The following TALDO1 variants were observed in gnomAD, a reference collection of about 807,000 sequenced individuals.
TALDO1 encodes transaldolase 1, also known as transaldolase.
TALDO1 carries 29 observed loss-of-function variants against 38.1 expected under a neutral mutation model. That is an observed-to-expected ratio of 0.76 (90% CI 0.57 to 1.04). The LOEUF is 1.04. Among genes scored for constraint, TALDO1 ranks in the 50% least tolerant of loss-of-function variants. TALDO1 has a pLI of 0.00. For missense variants in TALDO1, 499 were observed against 438.1 expected, an observed-to-expected ratio of 1.14 and a Z score of -1.24; for synonymous variants, 207 against 176.8, an observed-to-expected ratio of 1.17 and a Z score of -1.36.
chr11:751,997 T>G (rs1341947759), intron 1 of TALDO1, among the ~76,000 whole-genome samples: 3 of 152,112 alleles, frequency 2.0e-5, no homozygotes, highest in African/African-American at 7.2e-5. Context: ...TTTCACCTGT[T>G]CCTTTCTCTC....
At chr11:761,520 A>G (rs768039431) in intron 4 of TALDO1, among the ~76,000 whole-genome samples, 6 of 152,044 alleles carry the variant, frequency 3.9e-5, no homozygotes, top group Admixed American at 2.0e-4. Context: ...AACCAAACAT[A>G]TGTACGTTCA....
intron 5 of TALDO1, 110 bp downstream of exon 5, chr11:763,629 T>A: frequency 6.4e-7 from 1 of 1,572,056 alleles, no homozygotes. Context: ...GGTGCACAGG[T>A]CGGCGCGGGG....
At chr11:756,179 A>C (rs1053727823) in intron 2 of TALDO1, 177 bp downstream of exon 2, 2 of 890,350 alleles carry the variant, frequency 2.2e-6, no homozygotes, top group Non-Finnish European at 3.3e-6. Context: ...AGTAACCTGC[A>C]CCTGTGGTAA....
In TALDO1 at chr11:764,996, A is replaced by C; in HGVS notation, c.*151A>C. ...TATGTAAAATTTTGCCTAATACATT[A>C]AAGCAGTCACTTTTCCTGTGCTGTT... On this transcript the variant is annotated 3_prime_UTR_variant, in exon 8 of 8. Coordinates refer to ENST00000319006, the MANE Select transcript of TALDO1 (RefSeq NM_006755.2). 1 of 1,026,368 alleles carries C rather than the reference A, an allele frequency of 9.7e-7. No homozygotes were observed. Among genetic ancestry groups the C allele is most frequent in the Non-Finnish European group, 1.5e-6 (1 of 674,328 alleles). 63.6% of individuals were successfully genotyped at this position (1,026,368 alleles called of 1,614,324 possible).
chr11:760,346 C>T, intron 4 of TALDO1, 93 bp downstream of exon 4: 2 of 1,578,462 alleles, frequency 1.3e-6, no homozygotes, highest in East Asian at 2.3e-5. Context: ...ACTCTCTCAG[C>T]CCTGGGGAAT....
chr11:755,971 G>C lies in TALDO1; in HGVS notation c.190G>C (p.Glu64Gln). ...GCCCGCTTACCAGGAGCTGGTGGAG[G>C]AGGCGATTGCCTATGGCCGGAAGCT... ...QMPAYQELVE[E>Q]AIAYGRKLGG... Residue 64 changes from glutamate (E) to glutamine (Q), a missense_variant, in exon 2 of 8, where the codon GAG (glutamate) becomes CAG (glutamine). Transcript: ENST00000319006. 1.2e-6 allele frequency: 2 copies of C among 1,613,866 alleles called. No individual in the cohort carries two copies. Among genetic ancestry groups the C allele is most frequent in the African/African-American group, 1.3e-5 (1 of 75,040 alleles).
intron 4 of TALDO1, 129 bp from the exon 5 acceptor site, chr11:763,215 A>AAGTGGGG (rs1862973784): frequency 4.7e-5 from 1 of 21,072 alleles, no homozygotes; most frequent in Non-Finnish European, 9.0e-5. Flanking sequence ...CCCCGCCCTC[A>AAGTGGGG]CCTGCCCCCG....
At chr11:752,858 G>A (rs1028563022) in intron 1 of TALDO1, among the ~76,000 whole-genome samples, 1 of 152,194 alleles carries the variant, frequency 6.6e-6, no homozygotes, top group African/African-American at 2.4e-5. Context: ...CAGAAGTTCT[G>A]GAGCCCAGAC....
chr11:752,748 T>C (rs188399573), intron 1 of TALDO1, among the ~76,000 whole-genome samples: 5 of 152,302 alleles, frequency 3.3e-5, no homozygotes, highest in Admixed American at 2.6e-4. Flanking sequence ...AGCCAGTACA[T>C]GTAAGTGAGT....
chr11:764,831 G>A lies in TALDO1; in HGVS notation c.1000G>A (p.Glu334Lys). ...TTTCTAGGAACGAATGTTCAATGCA[G>A]AGAATGGAAAGTAGCGCATCCCTGA... ...RMLTERMFNA[E>K]NGK The change falls in exon 8 of 8, where the codon GAG (glutamate) becomes AAG (lysine). Residue 334 changes from glutamate (E) to lysine (K), a missense_variant. By Grantham distance (56) the Glu-to-Lys change is moderately conservative (BLOSUM62 1). Coordinates refer to ENST00000319006, the MANE Select transcript of TALDO1 (RefSeq NM_006755.2). 1 of 1,614,186 alleles carries A rather than the reference G, an allele frequency of 6.2e-7. No individual in the cohort carries two copies. Among genetic ancestry groups the A allele is most frequent in the Non-Finnish European group, 8.5e-7 (1 of 1,180,040 alleles).
chr11:758,610 T>C (rs892486476), intron 2 of TALDO1, among the ~76,000 whole-genome samples: 12 of 150,068 alleles, frequency 8.0e-5, no homozygotes, highest in Non-Finnish European at 1.8e-4. Flanking sequence ...AGAAGCTTCT[T>C]TTTTTTTTTC....
chr11:757,412 C>T (rs977021488), intron 2 of TALDO1, among the ~76,000 whole-genome samples: 1 of 151,966 alleles, frequency 6.6e-6, no homozygotes, highest in African/African-American at 2.4e-5. Flanking sequence ...CCCACCTCAG[C>T]CTCCCAAGTA....
chr11:763,646 G>A, intron 5 of TALDO1, 101 bp from the exon 6 acceptor site: 1 of 1,568,130 alleles, frequency 6.4e-7, no homozygotes, highest in Non-Finnish European at 8.8e-7. Context: ...GGGGCAGGCA[G>A]GGGTGGCGGC....
rs1862905375 is a variant in TALDO1 at position 760,153 on chromosome 11, A to G, written c.361A>G (p.Arg121Gly). Residue 121 changes from arginine to glycine, a missense_variant, in exon 4 of 8, where the codon AGA (arginine) becomes GGA (glycine). Transcript: ENST00000319006. ...CTTTGATAAAGATGCGATGGTGGCC[A>G]GAGCCAGGCGGCTCATCGAGCTCTA... ...LSFDKDAMVA[R>G]ARRLIELYKE... 6.2e-7 allele frequency: 1 copy of G among 1,614,226 alleles called. No individual in the cohort carries two copies. The highest frequency in any genetic ancestry group is 2.2e-5 in the East Asian group (1 of 44,890).
In TALDO1 at chr11:755,989, C is replaced by G. The variant is rs771652130; in HGVS notation, c.208C>G (p.Arg70Gly). ...GGTGGAGGAGGCGATTGCCTATGGC[C>G]GGAAGCTGGGCGGGTGAGTGCCTGG... is the stretch of plus-strand genomic sequence containing the variant. ...ELVEEAIAYG[R>G]KLGGSQEDQI... The change falls in exon 2 of 8, where the codon CGG becomes GGG. Residue 70 changes from arginine to glycine, a missense_variant. By Grantham distance (125) the Arg-to-Gly change is moderately radical (BLOSUM62 -2). Coordinates refer to ENST00000319006, the MANE Select transcript of TALDO1 (RefSeq NM_006755.2). 1.2e-6 allele frequency: 2 copies of G among 1,613,246 alleles called. No homozygotes were observed. Among genetic ancestry groups the G allele is most frequent in the Admixed American group, 1.7e-5 (1 of 59,962 alleles).
Position 764,892 on chromosome 11 carries a change from G to A in TALDO1, c.*47G>A. 1 of 1,613,158 alleles carries A rather than the reference G, an allele frequency of 6.2e-7. No individual in the cohort carries two copies. The highest frequency in any genetic ancestry group is 8.5e-7 in the Non-Finnish European group (1 of 1,179,620). ...CAGATCTGCACCGCCGGCCAGCTGG[G>A]ATCTGACTGCACGTGGCTTCTGATG... On this transcript the variant is annotated 3_prime_UTR_variant, in exon 8 of 8. Transcript: ENST00000319006.
intron 4 of TALDO1, 24 bp from the exon 5 acceptor site, chr11:763,320 C>A: frequency 2.0e-6 from 3 of 1,537,376 alleles, no homozygotes; most frequent in South Asian, 2.3e-5. Context: ...ACCTGCCCCG[C>A]CCTCACCTGT....
In TALDO1 at chr11:763,359, GCACGGCATC is replaced by G. The variant is rs772939887; in HGVS notation, c.481_489del (p.Gly161_His163del). 1 of 1,595,640 alleles carries G rather than the reference GCACGGCATC, an allele frequency of 6.3e-7. No homozygotes were observed. Among genetic ancestry groups the G allele is most frequent in the Non-Finnish European group, 8.6e-7 (1 of 1,169,340 alleles). On this transcript the variant is annotated inframe_deletion, in exon 5 of 8. Transcript: ENST00000319006. ...CGCCCCGCAGGGAGCTCGAGGAGCAGCACGGCATCCACTGCAACATGACGTTACTCTTCT... is the reference window on the plus strand; with the variant it reads ...CGCCCCGCAGGGAGCTCGAGGAGCAGCACTGCAACATGACGTTACTCTTCT...
At chr11:760,602 CTA>C (rs1862911336) in intron 4 of TALDO1, 1 of 310,774 alleles carries the variant, frequency 3.2e-6, no homozygotes, top group African/African-American at 2.1e-5. Flanking sequence ...AAAAAGTAAA[CTA>C]TTGTTATATA....
Sources: gnomAD v4.1 joint callset for allele counts (sites outside exome capture counted in the v4.1 genomes callset) on GRCh38, gnomAD v4.1.1 for gene constraint, MANE v1.5 for transcripts, NCBI Gene and HGNC (gene_info 2026-07-23, HGNC 2026-07-21) for gene names.